WDR41: variants seen among roughly 807,000 people sequenced by gnomAD.
The protein encoded by WDR41 is WD repeat domain 41.
Under a neutral mutation model 69.3 loss-of-function variants are expected in WDR41, and 63 were observed. The observed-to-expected ratio is 0.91, with a 90% CI of 0.74 to 1.12. WDR41 has a LOEUF of 1.12. WDR41 is among the 50% of genes most tolerant of loss of function. The pLI is 0.00. For synonymous variants in WDR41, 185 were observed against 192.1 expected, an observed-to-expected ratio of 0.96 and a Z score of 0.31; for missense variants, 543 against 534.5, an observed-to-expected ratio of 1.02 and a Z score of -0.16.
chr5:77,479,178 C>G (rs886351867), intron 2 of WDR41, among the ~76,000 whole-genome samples: 21 of 151,930 alleles, frequency 1.4e-4, no homozygotes, highest in African/African-American at 4.8e-4. Flanking sequence ...AAAGAGGATA[C>G]AAACAAATGG....
chr5:77,565,413 G>A (rs73126050), intron 1 of WDR41, among the ~76,000 whole-genome samples: 1 of 151,926 alleles, frequency 6.6e-6, no homozygotes. Flanking sequence ...GTCTGACAAG[G>A]ACAGTCTTCT....
At chr5:77,614,678 TAGG>T (rs1363004401) in intron 1 of WDR41, among the ~76,000 whole-genome samples, 4 of 146,928 alleles carry the variant, frequency 2.7e-5, no homozygotes, top group African/African-American at 1.0e-4. Context: ...GGGATAGCAT[TAGG>T]AGATATACCT....
intron 9 of WDR41, among the ~76,000 whole-genome samples, chr5:77,440,222 A>G (rs115406012): frequency 1.9e-3 from 282 of 152,324 alleles, no homozygotes; most frequent in African/African-American, 6.4e-3. Context: ...TACATTTAGA[A>G]AAGTTAATTG....
At chr5:77,484,100 A>G (rs542478652) in intron 2 of WDR41, among the ~76,000 whole-genome samples, 1 of 152,350 alleles carries the variant, frequency 6.6e-6, no homozygotes, top group Non-Finnish European at 1.5e-5. Context: ...AAATACTGTT[A>G]GACACTTGCT....
intron 1 of WDR41, among the ~76,000 whole-genome samples, chr5:77,504,524 G>T (rs1285398432): frequency 2.0e-5 from 3 of 152,018 alleles, no homozygotes; most frequent in African/African-American, 2.4e-5. Context: ...ACTCATTTTA[G>T]GAGGCCAGCA....
chr5:77,485,938 A>AAAACC (rs1561199232), intron 2 of WDR41, among the ~76,000 whole-genome samples: 1 of 152,160 alleles, frequency 6.6e-6, no homozygotes, highest in African/African-American at 2.4e-5. Flanking sequence ...CTGGATTATA[A>AAAACC]CAGCTGACCA....
intron 1 of WDR41, among the ~76,000 whole-genome samples, chr5:77,587,453 T>C (rs1280321992): frequency 2.6e-5 from 4 of 152,208 alleles, no homozygotes; most frequent in Non-Finnish European, 5.9e-5. Context: ...TACGAACATA[T>C]ACTCTCACCA....
intron 1 of WDR41, 95 bp downstream of exon 1, chr5:77,492,075 G>T (rs957899006): frequency 1.2e-5 from 17 of 1,468,534 alleles, no homozygotes; most frequent in East Asian, 2.5e-5. Context: ...CCTCCGCCCG[G>T]GTCCCCGCGG....
intron 1 of WDR41, among the ~76,000 whole-genome samples, chr5:77,526,061 T>A (rs1180006179): frequency 6.6e-6 from 1 of 152,214 alleles, no homozygotes; most frequent in African/African-American, 2.4e-5. Context: ...TTTCTAACAA[T>A]ATTTTATTCC....
At chr5:77,618,839 A>T (rs1184411138) in intron 1 of WDR41, among the ~76,000 whole-genome samples, 1 of 152,218 alleles carries the variant, frequency 6.6e-6, no homozygotes, top group Non-Finnish European at 1.5e-5. Flanking sequence ...CATCAAGGAT[A>T]AGCCAGAAGG....
chr5:77,598,355 C>T (rs978234745), intron 1 of WDR41, among the ~76,000 whole-genome samples: 2 of 152,196 alleles, frequency 1.3e-5, no homozygotes, highest in Non-Finnish European at 1.5e-5. Flanking sequence ...AAGATGACCA[C>T]ATATCTCAGT....
At chr5:77,441,484 A>G (rs1204113040) in intron 8 of WDR41, among the ~76,000 whole-genome samples, 1 of 152,120 alleles carries the variant, frequency 6.6e-6, no homozygotes, top group Non-Finnish European at 1.5e-5. Context: ...GGGCGAGGTA[A>G]TCCCAGCACT....
intron 1 of WDR41, among the ~76,000 whole-genome samples, chr5:77,603,351 C>G (rs1055870713): frequency 6.6e-6 from 1 of 152,166 alleles, no homozygotes; most frequent in African/African-American, 2.4e-5. Context: ...ACCTGTTGGA[C>G]ATTTGTATGA....
intron 2 of WDR41, among the ~76,000 whole-genome samples, chr5:77,474,917 A>G (rs1266532982): frequency 6.6e-6 from 1 of 152,130 alleles, no homozygotes; most frequent in African/African-American, 2.4e-5. Flanking sequence ...GGTTCGTCTC[A>G]CTAGGGAGTG....
At chr5:77,449,273 G>T (rs1349849185) in intron 8 of WDR41, among the ~76,000 whole-genome samples, 1 of 152,154 alleles carries the variant, frequency 6.6e-6, no homozygotes, top group African/African-American at 2.4e-5. Context: ...CCCATTTTCT[G>T]CAGACTTTTA....
rs191855505 is a variant in WDR41 at position 77,447,241 on chromosome 5, A to G, written c.697+2519T>C. ...CCATCTCACACCAGTCAGAATGGCAATTATTAAAAAGTCAGGAAACCATAG... is the reference window on the plus strand; with the variant it reads ...CCATCTCACACCAGTCAGAATGGCAGTTATTAAAAAGTCAGGAAACCATAG... On this transcript the variant is annotated intron_variant, in intron 8 of 12. Coordinates refer to ENST00000296679, the MANE Select transcript of WDR41 (RefSeq NM_018268.4). 1.6e-4 allele frequency among the ~76,000 whole-genome samples: 25 copies of G among 152,390 alleles called. No homozygotes were observed. In the East Asian group the frequency reaches 4.0e-3, roughly 25 times the overall value.
intron 1 of WDR41, among the ~76,000 whole-genome samples, chr5:77,612,506 T>G (rs1268226249): frequency 6.6e-6 from 1 of 152,164 alleles, no homozygotes; most frequent in African/African-American, 2.4e-5. Context: ...AATCAATAAA[T>G]GTAATCCAGC....
At chr5:77,543,561 G>C (rs6877617) in intron 1 of WDR41, among the ~76,000 whole-genome samples, 15,376 of 152,048 alleles carry the variant, frequency 0.1, 1,734 homozygotes, top group African/African-American at 0.25. Flanking sequence ...GAAATTCAGA[G>C]CTCAAAGACA....
At chr5:77,485,393 G>A (rs1801469276) in intron 2 of WDR41, among the ~76,000 whole-genome samples, 1 of 152,178 alleles carries the variant, frequency 6.6e-6, no homozygotes, top group South Asian at 2.1e-4. Flanking sequence ...GGATTATCAA[G>A]CTATACTGAG....
Sources: allele counts gnomAD v4.1 joint callset (sites outside exome capture counted in the v4.1 genomes callset), GRCh38; gene constraint gnomAD v4.1.1; transcripts MANE v1.5; gene names NCBI Gene and HGNC (gene_info 2026-07-23, HGNC 2026-07-21).